Variants in TCF12 observed in about 807,000 individuals in gnomAD.
TCF12 encodes transcription factor 12, also known as DNA-binding protein HTF4.
In TCF12, 45 loss-of-function variants were observed where a neutral mutation model predicts 86.0. The ratio of observed to expected loss-of-function variants is 0.52; its 90% CI spans 0.41 to 0.67. The LOEUF (loss-of-function observed/expected upper bound fraction) is 0.67. Among genes scored for constraint, TCF12 ranks in the 30% least tolerant of loss-of-function variants. The pLI is 0.00. For synonymous variants in TCF12, 330 were observed against 299.6 expected (o/e 1.10, Z -1.05); for missense variants, 881 against 859.9 (o/e 1.02, Z -0.31).
chr15:57,089,232 G>A (rs1705112992), intron 4 of TCF12, among the ~76,000 whole-genome samples: 1 of 152,172 alleles, frequency 6.6e-6, no homozygotes, highest in South Asian at 2.1e-4. Context: ...AACCTCTAAG[G>A]TGTTGGGGAA....
At chr15:57,098,383 A>C (rs549990074) in intron 5 of TCF12, among the ~76,000 whole-genome samples, 45 of 152,178 alleles carry the variant, frequency 3.0e-4, no homozygotes, top group African/African-American at 1.1e-3. Flanking sequence ...ACTATTGCTC[A>C]ACTCTCATTA....
intron 12 of TCF12, 122 bp downstream of exon 12, chr15:57,234,229 TTTAGAG>T: frequency 1.3e-6 from 1 of 764,954 alleles, no homozygotes; most frequent in Non-Finnish European, 2.2e-6. Flanking sequence ...TCATTACACA[TTTAGAG>T]TTATTCTCGG....
chr15:57,025,993 G>T (rs1277014559), intron 3 of TCF12, among the ~76,000 whole-genome samples: 2 of 152,204 alleles, frequency 1.3e-5, no homozygotes, highest in African/African-American at 4.8e-5. Context: ...GGAATGGGAA[G>T]ACTGAGAATG....
chr15:57,142,335 A>AGATAGATAGATAGATG (rs1555516808), intron 5 of TCF12, among the ~76,000 whole-genome samples: 3 of 152,118 alleles, frequency 2.0e-5, no homozygotes, highest in African/African-American at 7.2e-5. Flanking sequence ...ATAGATAGAT[A>AGATAGATAGATAGATG]CAGAAAGAAA....
At chr15:57,159,816 GTTGGC>G (rs1210737802) in intron 5 of TCF12, among the ~76,000 whole-genome samples, 1 of 152,188 alleles carries the variant, frequency 6.6e-6, no homozygotes, top group East Asian at 1.9e-4. Flanking sequence ...CAGAAATAAT[GTTGGC>G]TTCCATACAA....
At chr15:57,194,839 T>C (rs2151726624) in intron 7 of TCF12, among the ~76,000 whole-genome samples, 1 of 152,320 alleles carries the variant, frequency 6.6e-6, no homozygotes, top group African/African-American at 2.4e-5. Flanking sequence ...CTAGCTGCTA[T>C]ATGATGGAGC....
At chr15:57,239,458 G>T (rs7164914) in intron 12 of TCF12, among the ~76,000 whole-genome samples, 6 of 147,620 alleles carry the variant, frequency 4.1e-5, no homozygotes, top group African/African-American at 1.5e-4. Flanking sequence ...CCTGGTTGCA[G>T]TGAGCCGAGA....
intron 6 of TCF12, among the ~76,000 whole-genome samples, chr15:57,188,807 G>C (rs1177311466): frequency 6.6e-6 from 1 of 152,146 alleles, no homozygotes; most frequent in Non-Finnish European, 1.5e-5. Flanking sequence ...TCATTATTTT[G>C]AGACAGGGTC....
intron 3 of TCF12, among the ~76,000 whole-genome samples, chr15:56,977,666 G>A (rs1211568984): frequency 6.6e-6 from 1 of 152,098 alleles, no homozygotes; most frequent in African/African-American, 2.4e-5. Flanking sequence ...TTTGAATCCA[G>A]TATTTTTGAG....
rs1049231338 is a variant in TCF12 at position 57,053,615 on chromosome 15, A to G, written c.149-10135A>G. ...AGGTAAATATAACCTGTAGCCCATC[A>G]CCTTTTTTTTTTTTTTGTAGATAAA... On this transcript the variant is annotated intron_variant, in intron 3 of 20. Coordinates refer to ENST00000333725, the MANE Select transcript of TCF12 (RefSeq NM_207037.2). Among the ~76,000 whole-genome samples, 10 of 115,966 alleles carry G rather than the reference A, an allele frequency of 8.6e-5. No individual in the cohort carries two copies. In the East Asian group the frequency reaches 2.3e-3, roughly 27 times the overall value. 76.1% of individuals were successfully genotyped at this position (115,966 alleles called of 152,430 possible). A position where few individuals can be genotyped will look rare whatever the true frequency, so the allele number is the denominator to read the frequency against.
chr15:56,993,814 C>T (rs1193097185), intron 3 of TCF12, among the ~76,000 whole-genome samples: 1 of 152,110 alleles, frequency 6.6e-6, no homozygotes, highest in African/African-American at 2.4e-5. Context: ...TAAACAGGAA[C>T]CAGAGTTTCA....
At chr15:57,084,839 A>G (rs7163267) in intron 4 of TCF12, among the ~76,000 whole-genome samples, 37,469 of 151,988 alleles carry the variant, frequency 0.25, 5,449 homozygotes, top group East Asian at 0.4. Flanking sequence ...TTGTACATTA[A>G]TGTGAATGTA....
chr15:56,984,715 T>G (rs1442395923), intron 3 of TCF12, among the ~76,000 whole-genome samples: 1 of 152,100 alleles, frequency 6.6e-6, no homozygotes, highest in African/African-American at 2.4e-5. Context: ...GGTTCAAGAT[T>G]GAGAATGAAG....
intron 3 of TCF12, among the ~76,000 whole-genome samples, chr15:56,954,958 G>A (rs1217394867): frequency 3.3e-5 from 5 of 152,182 alleles, no homozygotes; most frequent in African/African-American, 4.8e-5. Context: ...TGGTGGGACC[G>A]TAAACTAGTT....
intron 5 of TCF12, among the ~76,000 whole-genome samples, chr15:57,145,363 CAATGATTCTCATTTATA>C (rs2053283405): frequency 6.6e-6 from 1 of 151,922 alleles, no homozygotes; most frequent in African/African-American, 2.4e-5. Flanking sequence ...TAGTTGACCT[CAATGATTCTCATTTATA>C]AATGATTTCT....
At chr15:56,951,450 T>G (rs1452200118) in intron 3 of TCF12, among the ~76,000 whole-genome samples, 5 of 152,228 alleles carry the variant, frequency 3.3e-5, no homozygotes, top group African/African-American at 1.2e-4. Context: ...GTACAAGTCC[T>G]TTACGAGATA....
In TCF12 at chr15:57,208,379, C is replaced by CTTTTTTTTTTTT. The variant is rs2057942908; in HGVS notation, c.579+10554_579+10555insTTTTTTTTTTTT. Among the ~76,000 whole-genome samples the CTTTTTTTTTTTT allele has an allele frequency of 3.3e-4, 6 of 18,284 alleles. 1 individual carries two copies. The highest frequency in any genetic ancestry group is 1.3e-3 in the African/African-American group (6 of 4,484). The allele number at this position is 18,284 out of a possible 152,430, so 12.0% of individuals were successfully genotyped here. On this transcript the variant is annotated intron_variant, in intron 8 of 20. Coordinates refer to ENST00000333725, the MANE Select transcript of TCF12 (RefSeq NM_207037.2). ...AACCTTGTTCTTTGGACAAAAATAT[C>CTTTTTTTTTTTT]CTTTTTTTTTTTTTTTTTTTGGAGA...
chr15:56,991,755 CT>C (rs1349126160), intron 3 of TCF12, among the ~76,000 whole-genome samples: 2 of 152,104 alleles, frequency 1.3e-5, no homozygotes, highest in African/African-American at 4.8e-5. Context: ...AAATACTCTT[CT>C]GTCAGAACTA....
intron 3 of TCF12, among the ~76,000 whole-genome samples, chr15:56,934,939 T>C (rs2111890): frequency 0.73 from 110,264 of 152,046 alleles, 40,313 homozygotes; most frequent in East Asian, 0.79. Flanking sequence ...CAAGAAAATT[T>C]TGGGGCTTCT....
Sources: gnomAD v4.1 joint callset for allele counts (sites outside exome capture counted in the v4.1 genomes callset) on GRCh38, gnomAD v4.1.1 for gene constraint, MANE v1.5 for transcripts, NCBI Gene and HGNC (gene_info 2026-07-23, HGNC 2026-07-21) for gene names.